The following SLC25A21 variants were observed in gnomAD, a reference collection of about 807,000 sequenced individuals.
The protein encoded by SLC25A21 is mitochondrial 2-oxodicarboxylate carrier.
A neutral mutation model predicts 43.8 loss-of-function variants in SLC25A21; 47 were observed. That is an observed-to-expected ratio of 1.07 (90% confidence interval 0.85 to 1.37). SLC25A21 has a LOEUF of 1.37. Ranked by LOEUF, SLC25A21 falls within the 40% of genes most tolerant of loss-of-function variation. The pLI, the probability that SLC25A21 is intolerant of heterozygous loss-of-function variation, is 0.00. For missense variants in SLC25A21, 352 were observed against 350.2 expected (o/e 1.00, Z -0.04); for synonymous variants, 131 against 121.3 (o/e 1.08, Z -0.52).
Position 36,835,236 on chromosome 14 carries a change from G to A in SLC25A21, c.120-21235C>T, listed in dbSNP as rs530974277. 3.9e-5 allele frequency among the ~76,000 whole-genome samples: 6 copies of A among 152,320 alleles called. No individual in the cohort carries two copies. The East Asian group carries it at 1.2e-3, about 29-fold the overall frequency. On this transcript the variant is annotated intron_variant, in intron 2 of 9. Coordinates refer to ENST00000331299, the MANE Select transcript of SLC25A21 (RefSeq NM_030631.4). ...GCTGCACAGATAATGAACCTGCCAA[G>A]GGATTAGCAAGGAAACACTTGTGTT... is the stretch of plus-strand genomic sequence containing the variant.
chr14:36,842,738 G>A (rs555625115), intron 2 of SLC25A21, among the ~76,000 whole-genome samples: 28 of 152,146 alleles, frequency 1.8e-4, no homozygotes, highest in African/African-American at 5.5e-4. Flanking sequence ...CTGAAAACTG[G>A]GTAGAAAGAC....
At chr14:36,947,337 A>G (rs1016669621) in intron 1 of SLC25A21, among the ~76,000 whole-genome samples, 1 of 152,234 alleles carries the variant, frequency 6.6e-6, no homozygotes, top group Non-Finnish European at 1.5e-5. Context: ...AATTTAAACC[A>G]AAGAGTCTTT....
intron 1 of SLC25A21, among the ~76,000 whole-genome samples, chr14:36,910,114 G>A (rs17105670): frequency 0.011 from 1,696 of 152,262 alleles, 31 homozygotes; most frequent in African/African-American, 0.038. Context: ...TAAATTCACT[G>A]AGATGTTACT....
intron 1 of SLC25A21, among the ~76,000 whole-genome samples, chr14:37,156,870 C>A (rs192396513): frequency 6.6e-6 from 1 of 152,052 alleles, no homozygotes; most frequent in East Asian, 1.9e-4. Context: ...CTAGACAGAT[C>A]ATCTACACAA....
At chr14:36,752,245 A>G (rs1321984516) in intron 3 of SLC25A21, among the ~76,000 whole-genome samples, 1 of 152,216 alleles carries the variant, frequency 6.6e-6, no homozygotes, top group African/African-American at 2.4e-5. Flanking sequence ...CCTAGAAAAT[A>G]ACAAGTGTTG....
intron 1 of SLC25A21, among the ~76,000 whole-genome samples, chr14:37,098,788 G>C (rs1962757945): frequency 8.8e-6 from 1 of 113,274 alleles, no homozygotes; most frequent in Non-Finnish European, 1.6e-5. Flanking sequence ...CAGACAGACA[G>C]ATAGATAGAT....
chr14:36,919,073 T>A, intron 1 of SLC25A21, among the ~76,000 whole-genome samples: 1 of 151,548 alleles, frequency 6.6e-6, no homozygotes, highest in East Asian at 1.9e-4. Flanking sequence ...AACATTCATA[T>A]AAAATAAATG....
intron 1 of SLC25A21, among the ~76,000 whole-genome samples, chr14:37,028,440 G>A (rs561326797): frequency 8.7e-4 from 132 of 152,128 alleles, no homozygotes; most frequent in Non-Finnish European, 1.8e-3. Context: ...GCTTCAGCTT[G>A]CCAATTATAA....
intron 7 of SLC25A21, among the ~76,000 whole-genome samples, chr14:36,702,645 T>C (rs1883330496): frequency 6.6e-6 from 1 of 152,168 alleles, no homozygotes; most frequent in Non-Finnish European, 1.5e-5. Flanking sequence ...AATGATTCAG[T>C]TCCTTGTGCA....
intron 2 of SLC25A21, among the ~76,000 whole-genome samples, chr14:36,856,282 G>A (rs17105539): frequency 1.3e-5 from 2 of 152,000 alleles, no homozygotes; most frequent in Non-Finnish European, 2.9e-5. Flanking sequence ...CAGGAACTGC[G>A]GGCTTTGTTT....
At chr14:36,950,773 G>A (rs1416043110) in intron 1 of SLC25A21, among the ~76,000 whole-genome samples, 1 of 152,200 alleles carries the variant, frequency 6.6e-6, no homozygotes, top group East Asian at 1.9e-4. Flanking sequence ...TACAGAGTCA[G>A]CAGCTTGTTT....
chr14:36,931,805 TAGG>T (rs1289999688), intron 1 of SLC25A21, among the ~76,000 whole-genome samples: 1 of 152,058 alleles, frequency 6.6e-6, no homozygotes, highest in Non-Finnish European at 1.5e-5. Context: ...GACAGCCAAC[TAGG>T]AGGTGTCTCA....
At chr14:36,723,929 G>C (rs1046486067) in intron 6 of SLC25A21, among the ~76,000 whole-genome samples, 16 of 123,454 alleles carry the variant, frequency 1.3e-4, no homozygotes, top group African/African-American at 6.1e-4. Flanking sequence ...TTCCCAAGGG[G>C]TAAGATGGGA....
chr14:37,115,646 AT>A (rs1295565155), intron 1 of SLC25A21, among the ~76,000 whole-genome samples: 1 of 152,172 alleles, frequency 6.6e-6, no homozygotes, highest in Non-Finnish European at 1.5e-5. Flanking sequence ...TGACTTTGAT[AT>A]GTGCCTATTC....
intron 2 of SLC25A21, among the ~76,000 whole-genome samples, chr14:36,866,725 A>G (rs750387176): frequency 2.6e-5 from 4 of 152,062 alleles, no homozygotes; most frequent in African/African-American, 7.2e-5. Context: ...TAATCCAGGG[A>G]CCTCTAGCCC....
At chr14:36,814,336 T>C (rs2138447613) in intron 2 of SLC25A21, among the ~76,000 whole-genome samples, 1 of 150,674 alleles carries the variant, frequency 6.6e-6, no homozygotes, top group Non-Finnish European at 1.5e-5. Flanking sequence ...AATTCAGAAT[T>C]CTGAAGATGC....
At chr14:36,926,461 GGAA>G (rs200836075) in intron 1 of SLC25A21, among the ~76,000 whole-genome samples, 1 of 152,034 alleles carries the variant, frequency 6.6e-6, no homozygotes, top group African/African-American at 2.4e-5. Flanking sequence ...AAAGACCTTA[GGAA>G]GAAGAAGAAG....
intron 3 of SLC25A21, among the ~76,000 whole-genome samples, chr14:36,761,888 T>C (rs1016215123): frequency 1.3e-5 from 2 of 152,236 alleles, no homozygotes; most frequent in African/African-American, 2.4e-5. Context: ...GGTTTAATTT[T>C]AGTTTTTGTT....
At chr14:37,169,601 A>ACACACT (rs1458588735) in intron 1 of SLC25A21, among the ~76,000 whole-genome samples, 1 of 151,034 alleles carries the variant, frequency 6.6e-6, no homozygotes, top group Non-Finnish European at 1.5e-5. Context: ...ACACACACAC[A>ACACACT]CACACAGAAG....
Sources: allele counts gnomAD v4.1 joint callset (sites outside exome capture counted in the v4.1 genomes callset), GRCh38; gene constraint gnomAD v4.1.1; transcripts MANE v1.5; gene names NCBI Gene and HGNC (gene_info 2026-07-23, HGNC 2026-07-21).